Variants in DYNC1I2 observed in about 807,000 individuals in gnomAD.
DYNC1I2 encodes dynein cytoplasmic 1 intermediate chain 2.
A neutral mutation model predicts 88.6 loss-of-function variants in DYNC1I2; 53 were observed. That is an observed-to-expected ratio of 0.60 (90% CI 0.48 to 0.75). The LOEUF is 0.75. DYNC1I2 is among the 30% of genes least tolerant of loss of function. The pLI is 0.00. For missense variants in DYNC1I2, 458 were observed against 766.6 expected (o/e 0.60, Z 4.75); for synonymous variants, 198 against 254.6 (o/e 0.78, Z 2.12).
intron 15 of DYNC1I2, among the ~76,000 whole-genome samples, chr2:171,743,439 C>T (rs1318350308): frequency 6.6e-6 from 1 of 152,104 alleles, no homozygotes; most frequent in East Asian, 1.9e-4. Flanking sequence ...CCAAACTGCC[C>T]CCTAGTTTTT....
chr2:171,715,369 T>C lies in DYNC1I2; in HGVS notation c.437T>C (p.Val146Ala), dbSNP rs752606797. 49 of 1,566,804 alleles carry C rather than the reference T, an allele frequency of 3.1e-5. No individual in the cohort carries two copies. The highest frequency in any genetic ancestry group is 4.1e-5 in the Non-Finnish European group (47 of 1,154,450). Reference sequence around the variant, plus strand: ...CTTGGAATGGCTAAAATCACGCAAGTCGACTTTCCTCCTCGAGAAATTGTC... The same window carrying C: ...CTTGGAATGGCTAAAATCACGCAAGCCGACTTTCCTCCTCGAGAAATTGTC... The part of the protein sequence containing the change: ...IKLGMAKITQ[V>A]DFPPREIVTY... Residue 146 changes from valine (V) to alanine (A), a missense_variant, in exon 7 of 18, where the codon GTC becomes GCC. By Grantham distance (64) the Val-to-Ala change is moderately conservative. Coordinates refer to ENST00000397119, the MANE Select transcript of DYNC1I2 (RefSeq NM_001378.3).
intron 15 of DYNC1I2, among the ~76,000 whole-genome samples, chr2:171,737,524 T>C (rs1309468595): frequency 1.3e-5 from 2 of 152,184 alleles, no homozygotes; most frequent in African/African-American, 4.8e-5. Flanking sequence ...TTCAAGCGAT[T>C]ATCATGCCCC....
In DYNC1I2 at chr2:171,690,272, G is replaced by T; in HGVS notation, c.108+9G>T. ...AAAGGAAAAAAAAAGAAGTATGTTT[G>T]ATTTTTTTGCTTAAATAAACAACAT... On this transcript the variant is annotated intron_variant, in intron 2 of 17. Coordinates refer to ENST00000397119, the MANE Select transcript of DYNC1I2 (RefSeq NM_001378.3). 1 of 1,528,342 alleles carries T rather than the reference G, an allele frequency of 6.5e-7. No homozygotes were observed. The highest frequency in any genetic ancestry group is 8.8e-7 in the Non-Finnish European group (1 of 1,133,240). The allele number at this position is 1,528,342 out of a possible 1,614,324, so 94.7% of individuals were successfully genotyped here.
intron 17 of DYNC1I2, among the ~76,000 whole-genome samples, chr2:171,746,995 A>C (rs2105794751): frequency 6.6e-6 from 1 of 151,922 alleles, no homozygotes; most frequent in South Asian, 2.1e-4. Flanking sequence ...GGAGTTCGAG[A>C]CCAGCCTGGC....
intron 7 of DYNC1I2, among the ~76,000 whole-genome samples, chr2:171,715,735 C>T (rs1288515434): frequency 6.6e-6 from 1 of 152,022 alleles, no homozygotes; most frequent in East Asian, 1.9e-4. Context: ...ATGTATACTG[C>T]TTTTAGAAGC....
At chr2:171,709,010 TTAA>T (rs1686902012) in intron 5 of DYNC1I2, among the ~76,000 whole-genome samples, 1 of 152,170 alleles carries the variant, frequency 6.6e-6, no homozygotes, top group African/African-American at 2.4e-5. Flanking sequence ...CTTTAGACAA[TTAA>T]TAATCAACTG....
chr2:171,703,384 C>T (rs986804471), intron 3 of DYNC1I2, among the ~76,000 whole-genome samples: 9 of 150,972 alleles, frequency 6.0e-5, no homozygotes, highest in South Asian at 2.1e-4. Context: ...TACAGCCATG[C>T]GCCACCATGC....
chr2:171,738,960 C>G (rs534631447), intron 15 of DYNC1I2, among the ~76,000 whole-genome samples: 1 of 152,088 alleles, frequency 6.6e-6, no homozygotes, highest in African/African-American at 2.4e-5. Context: ...GCCAGCCTGG[C>G]CAACATGGTG....
At chr2:171,704,836 T>C (rs1194573382) in intron 3 of DYNC1I2, among the ~76,000 whole-genome samples, 1 of 152,220 alleles carries the variant, frequency 6.6e-6, no homozygotes, top group East Asian at 1.9e-4. Flanking sequence ...GATTAAAATG[T>C]AGCAGTTACC....
At chr2:171,733,664 C>A (rs1006921887) in intron 15 of DYNC1I2, among the ~76,000 whole-genome samples, 1 of 150,962 alleles carries the variant, frequency 6.6e-6, no homozygotes, top group African/African-American at 2.4e-5. Context: ...TTATAGATGC[C>A]GGATATTAGA....
chr2:171,696,766 A>T (rs1400055207), intron 3 of DYNC1I2, among the ~76,000 whole-genome samples: 1 of 151,780 alleles, frequency 6.6e-6, no homozygotes, highest in Non-Finnish European at 1.5e-5. Flanking sequence ...TGGGCTCTCT[A>T]TTTTCACTAT....
chr2:171,709,842 C>G (rs1174654388), intron 5 of DYNC1I2, among the ~76,000 whole-genome samples: 2 of 152,072 alleles, frequency 1.3e-5, no homozygotes, highest in African/African-American at 4.8e-5. Context: ...CTCAGCCTCC[C>G]AAGTAACTGG....
At chr2:171,744,955 G>A (rs978829788) in intron 16 of DYNC1I2, among the ~76,000 whole-genome samples, 1 of 152,054 alleles carries the variant, frequency 6.6e-6, no homozygotes, top group East Asian at 1.9e-4. Flanking sequence ...TACCAATTCT[G>A]TTTTCTTAAT....
chr2:171,727,995 G>A, intron 12 of DYNC1I2, 28 bp downstream of exon 12: 1 of 1,606,076 alleles, frequency 6.2e-7, no homozygotes, highest in Non-Finnish European at 8.5e-7. Context: ...TTTCCATTAG[G>A]CTTCTGTGCT....
chr2:171,709,042 G>GT (rs926248154), intron 5 of DYNC1I2, among the ~76,000 whole-genome samples: 14 of 149,710 alleles, frequency 9.4e-5, no homozygotes, highest in South Asian at 6.4e-4. Flanking sequence ...AAGTGAAAGC[G>GT]TTTTTTTTTC....
intron 3 of DYNC1I2, among the ~76,000 whole-genome samples, chr2:171,696,966 T>G (rs1308159613): frequency 6.6e-6 from 1 of 152,040 alleles, no homozygotes; most frequent in African/African-American, 2.4e-5. Flanking sequence ...ATACATACAT[T>G]GCATTGCTAT....
Position 171,728,780 on chromosome 2 carries a change from G to A in DYNC1I2, c.1321G>A (p.Val441Ile). 3 of 1,610,558 alleles carry A rather than the reference G, an allele frequency of 1.9e-6. No individual in the cohort carries two copies. Among genetic ancestry groups the A allele is most frequent in the Non-Finnish European group, 2.5e-6 (3 of 1,178,336 alleles). ...AVAVTSMSFP[V>I]GDVNNFVVGS... ...AGCTGTGACATCTATGTCCTTCCCT[G>A]TTGGAGATGTCAACAACTTTGTTGT... The change falls in exon 14 of 18, where the codon GTT becomes ATT. Residue 441 changes from valine (V) to isoleucine (I), a missense_variant. Transcript: ENST00000397119.
At chr2:171,725,238 T>G (rs544419687) in intron 7 of DYNC1I2, among the ~76,000 whole-genome samples, 1 of 152,342 alleles carries the variant, frequency 6.6e-6, no homozygotes, top group South Asian at 2.1e-4. Context: ...TATATAAAAC[T>G]ATGCAGGAGT....
intron 15 of DYNC1I2, among the ~76,000 whole-genome samples, chr2:171,732,626 T>C (rs1298665425): frequency 6.6e-6 from 1 of 152,168 alleles, no homozygotes; most frequent in Non-Finnish European, 1.5e-5. Flanking sequence ...TCTGAAAAAG[T>C]CCAAAATCTC....
Sources: gnomAD v4.1 joint callset for allele counts (sites outside exome capture counted in the v4.1 genomes callset) on GRCh38, gnomAD v4.1.1 for gene constraint, MANE v1.5 for transcripts, NCBI Gene and HGNC (gene_info 2026-07-23, HGNC 2026-07-21) for gene names.